The following NLGN4X variants were observed in gnomAD, a reference collection of about 807,000 sequenced individuals.
The protein encoded by NLGN4X is neuroligin-4, X-linked.
A neutral mutation model predicts 40.3 loss-of-function variants in NLGN4X; 3 were observed. The observed-to-expected ratio is 0.07, with a 90% CI of 0.03 to 0.19. The LOEUF (loss-of-function observed/expected upper bound fraction) is 0.19, where lower values mean the gene tolerates loss of function less well. NLGN4X is among the 10% of genes least tolerant of loss of function. The probability of loss-of-function intolerance (pLI) is 1.00; values close to 1 mark genes in which losing one functional copy is unlikely to be tolerated. For missense variants in NLGN4X, 382 were observed against 708.3 expected, an observed-to-expected ratio of 0.54 and a Z score of 5.23; for synonymous variants, 270 against 306.8, an observed-to-expected ratio of 0.88 and a Z score of 1.25.
chrX:6,218,474 CCACACACACACA>C (rs371223344), intron 1 of NLGN4X, among the ~76,000 whole-genome samples: 11 of 46,986 alleles, frequency 2.3e-4, no homozygotes, highest in Middle Eastern at 0.019. Context: ...GAGATTAAAC[CCACACACACACA>C]CACACACACA....
intron 3 of NLGN4X, among the ~76,000 whole-genome samples, chrX:5,945,024 G>A (rs1220995238): frequency 8.9e-6 from 1 of 112,104 alleles, no homozygotes; most frequent in African/African-American, 3.2e-5. Context: ...TGAAAGTAGT[G>A]TCTAATAAAA....
chrX:5,940,757 G>C (rs1175169675), intron 3 of NLGN4X, among the ~76,000 whole-genome samples: 1 of 110,662 alleles, frequency 9.0e-6, no homozygotes, highest in Non-Finnish European at 1.9e-5. Context: ...ACCAAAGCCA[G>C]GTTATGGCTT....
chrX:5,944,374 T>C (rs2034052324), intron 3 of NLGN4X, among the ~76,000 whole-genome samples: 1 of 110,736 alleles, frequency 9.0e-6, no homozygotes, highest in African/African-American at 3.3e-5. Flanking sequence ...AGGCCAGGCA[T>C]GGTGGCCCAT....
intron 2 of NLGN4X, among the ~76,000 whole-genome samples, chrX:6,039,635 C>T (rs1192069261): frequency 1.8e-5 from 2 of 112,251 alleles, no homozygotes; most frequent in African/African-American, 6.5e-5. Context: ...TACCCTGTTG[C>T]CAACACTTGA....
At chrX:5,901,009 C>T (rs182194723) in intron 5 of NLGN4X, among the ~76,000 whole-genome samples, 3 of 112,230 alleles carry the variant, frequency 2.7e-5, no homozygotes, top group African/African-American at 9.7e-5. Context: ...GAGTGATAGA[C>T]AAGCATTTGC....
intron 2 of NLGN4X, among the ~76,000 whole-genome samples, chrX:6,064,140 C>T (rs1466809409): frequency 9.0e-6 from 1 of 111,636 alleles, no homozygotes; most frequent in Non-Finnish European, 1.9e-5. Flanking sequence ...TTCCCTTCTG[C>T]CCCATTCTGT....
intron 3 of NLGN4X, among the ~76,000 whole-genome samples, chrX:6,022,527 A>G (rs2036584191): frequency 8.9e-6 from 1 of 111,905 alleles, no homozygotes; most frequent in Non-Finnish European, 1.9e-5. Context: ...ATAGCTTGAC[A>G]TTTTTCAGCA....
intron 3 of NLGN4X, among the ~76,000 whole-genome samples, chrX:5,980,481 T>C (rs1340846100): frequency 1.8e-5 from 2 of 109,852 alleles, no homozygotes; most frequent in African/African-American, 6.6e-5. Context: ...TTTTCTTTTT[T>C]TTTTTTTTCT....
At chrX:6,191,845 C>T (rs760632093) in intron 1 of NLGN4X, among the ~76,000 whole-genome samples, 1 of 111,473 alleles carries the variant, frequency 9.0e-6, no homozygotes, top group Non-Finnish European at 1.9e-5. Flanking sequence ...GATGAAAGAG[C>T]GAGATTCTAT....
intron 2 of NLGN4X, among the ~76,000 whole-genome samples, chrX:6,102,303 G>GA (rs1251410571): frequency 9.0e-6 from 1 of 110,841 alleles, no homozygotes; most frequent in African/African-American, 3.3e-5. Flanking sequence ...AAATTAAAAA[G>GA]AAAAAATATA....
At chrX:6,223,914 C>T (rs1178927790) in intron 1 of NLGN4X, among the ~76,000 whole-genome samples, 3 of 112,793 alleles carry the variant, frequency 2.7e-5, no homozygotes, top group Non-Finnish European at 3.7e-5. Flanking sequence ...GACAAAAACA[C>T]ACACAAAAAG....
At chrX:6,088,975 C>T (rs2038568628) in intron 2 of NLGN4X, among the ~76,000 whole-genome samples, 1 of 111,509 alleles carries the variant, frequency 9.0e-6, no homozygotes, top group Non-Finnish European at 1.9e-5. Context: ...AATAAAAAAC[C>T]TCTATGCTAT....
intron 2 of NLGN4X, among the ~76,000 whole-genome samples, chrX:6,045,698 T>C (rs905704071): frequency 1.3e-4 from 15 of 111,842 alleles, no homozygotes; most frequent in Admixed American, 3.8e-4. Flanking sequence ...GTAGAGTACA[T>C]GGAATATTTA....
chrX:5,958,800 T>C (rs1195635684), intron 3 of NLGN4X, among the ~76,000 whole-genome samples: 1 of 112,296 alleles, frequency 8.9e-6, no homozygotes, highest in Non-Finnish European at 1.9e-5. Context: ...AATGTAGAGA[T>C]ACAGGCTATC....
chrX:5,961,237 T>C (rs1170913750), intron 3 of NLGN4X, among the ~76,000 whole-genome samples: 5 of 111,991 alleles, frequency 4.5e-5, no homozygotes. Flanking sequence ...TTGTGAATAA[T>C]GCTTTTTGTA....
At chrX:5,925,883 T>C (rs5915623) in intron 3 of NLGN4X, among the ~76,000 whole-genome samples, 181 of 3,642 alleles carry the variant, frequency 0.05, 1 homozygote, top group African/African-American at 0.059. Flanking sequence ...CATACACACA[T>C]ATATATATAT....
At chrX:6,126,499 G>C (rs1436501851) in intron 2 of NLGN4X, among the ~76,000 whole-genome samples, 1 of 111,789 alleles carries the variant, frequency 8.9e-6, no homozygotes, top group Non-Finnish European at 1.9e-5. Flanking sequence ...AATCAAAAAA[G>C]ATGGCTGAAC....
chrX:5,952,788 CCTT>C (rs2034358552), intron 3 of NLGN4X, among the ~76,000 whole-genome samples: 1 of 110,823 alleles, frequency 9.0e-6, no homozygotes. Flanking sequence ...AGGCCGAATG[CCTT>C]CTTCTGCTTT....
intron 3 of NLGN4X, among the ~76,000 whole-genome samples, chrX:5,978,804 CAG>C (rs1478194776): frequency 9.0e-6 from 1 of 111,384 alleles, no homozygotes; most frequent in Non-Finnish European, 1.9e-5. Flanking sequence ...GTCAAGGTGA[CAG>C]AAATATCAAT....
Sources: allele counts gnomAD v4.1 joint callset (sites outside exome capture counted in the v4.1 genomes callset), GRCh38; gene constraint gnomAD v4.1.1; transcripts MANE v1.5; gene names NCBI Gene and HGNC (gene_info 2026-07-23, HGNC 2026-07-21).